The following ARHGEF28 variants were observed in gnomAD, a reference collection of about 807,000 sequenced individuals.
The protein encoded by ARHGEF28 is Rho guanine nucleotide exchange factor 28.
Under a neutral mutation model 206.6 loss-of-function variants are expected in ARHGEF28, and 152 were observed. That is an observed-to-expected ratio of 0.74 (90% confidence interval 0.64 to 0.84). The LOEUF (loss-of-function observed/expected upper bound fraction) is 0.84, where lower values mean the gene tolerates loss of function less well. Among genes scored for constraint, ARHGEF28 ranks in the 40% least tolerant of loss-of-function variants. The pLI is 0.00. For missense variants in ARHGEF28, 2,028 were observed against 2,073.2 expected, an observed-to-expected ratio of 0.98 and a Z score of 0.42; for synonymous variants, 763 against 776.4, an observed-to-expected ratio of 0.98 and a Z score of 0.29.
rs138508297 is a variant in ARHGEF28 at position 73,772,935 on chromosome 5, G to A, written c.476-920G>A. 2.1e-3 allele frequency among the ~76,000 whole-genome samples: 318 copies of A among 152,302 alleles called. 3 individuals carry two copies. Among genetic ancestry groups the A allele is most frequent in the African/African-American group, 6.9e-3 (285 of 41,562 alleles). On this transcript the variant is annotated intron_variant, in intron 4 of 35. Coordinates refer to ENST00000513042, the MANE Select transcript of ARHGEF28 (RefSeq NM_001177693.2). ...GAAGATAATGGAATAGTAAGATAGC[G>A]TTAATATGGACAGGAAACTGTGGAG...
At chr5:73,870,015 A>G in intron 20 of ARHGEF28, 54 bp from the exon 21 acceptor site, 4 of 1,578,530 alleles carry the variant, frequency 2.5e-6, no homozygotes, top group Non-Finnish European at 3.4e-6. Context: ...ATACGAAGGT[A>G]TATTTGTGCT....
intron 7 of ARHGEF28, among the ~76,000 whole-genome samples, chr5:73,792,696 A>T (rs961618222): frequency 7.7e-6 from 1 of 130,112 alleles, no homozygotes. Context: ...ACTTATCCCA[A>T]TTTTTAGTGT....
At chr5:73,807,900 GT>G (rs1414038942) in intron 9 of ARHGEF28, among the ~76,000 whole-genome samples, 1 of 151,744 alleles carries the variant, frequency 6.6e-6, no homozygotes. Context: ...CTGCCCTGAG[GT>G]GTTTTGAGTA....
intron 35 of ARHGEF28, among the ~76,000 whole-genome samples, chr5:73,924,233 C>T (rs1366179018): frequency 6.6e-6 from 1 of 152,148 alleles, no homozygotes; most frequent in Non-Finnish European, 1.5e-5. Flanking sequence ...ACATCAAGTG[C>T]ACTTTATTTA....
At chr5:73,815,575 G>A (rs923404524) in intron 9 of ARHGEF28, among the ~76,000 whole-genome samples, 1 of 152,158 alleles carries the variant, frequency 6.6e-6, no homozygotes, top group Non-Finnish European at 1.5e-5. Context: ...AATTTGGGTT[G>A]TAATCTGCTT....
At chr5:73,792,440 G>T (rs1754534070) in intron 7 of ARHGEF28, among the ~76,000 whole-genome samples, 1 of 152,136 alleles carries the variant, frequency 6.6e-6, no homozygotes, top group Non-Finnish European at 1.5e-5. Flanking sequence ...TAGCAATCTG[G>T]ATAAAATGTG....
chr5:73,868,075 C>T (rs764778603), intron 19 of ARHGEF28, 25 bp from the exon 20 acceptor site: 29 of 1,612,940 alleles, frequency 1.8e-5, no homozygotes, highest in Non-Finnish European at 2.5e-5. Flanking sequence ...CTGGGGCTAA[C>T]TTTGCTCCCC....
intron 1 of ARHGEF28, among the ~76,000 whole-genome samples, chr5:73,671,666 G>A (rs1221639952): frequency 7.4e-6 from 1 of 134,618 alleles, no homozygotes; most frequent in Non-Finnish European, 1.6e-5. Flanking sequence ...AGAATTGTCA[G>A]TATCAGCTGG....
chr5:73,643,440 T>G (rs573660312), intron 1 of ARHGEF28, among the ~76,000 whole-genome samples: 48 of 152,354 alleles, frequency 3.2e-4, no homozygotes, highest in African/African-American at 1.0e-3. Context: ...TCATTATATT[T>G]TTGGAAGACA....
In ARHGEF28 at chr5:73,894,587, T is replaced by G. The variant is rs1761849695; in HGVS notation, c.3841+12T>G. ...AGCACTGAAAGAAGGTAAACTGCTG[T>G]GAGAAGGGTTTGGGTCGACACGTTC... On this transcript the variant is annotated intron_variant, in intron 29 of 35. Coordinates refer to ENST00000513042, the MANE Select transcript of ARHGEF28 (RefSeq NM_001177693.2). 6.2e-7 allele frequency: 1 copy of G among 1,612,374 alleles called. No individual in the cohort carries two copies. The highest frequency in any genetic ancestry group is 1.1e-5 in the South Asian group (1 of 90,820).
rs1580046739 is a variant in ARHGEF28, at chr5:73,883,876, A to G, written c.3047A>G (p.Tyr1016Cys). The G allele has an allele frequency of 2.6e-6, 4 of 1,540,662 alleles. No homozygotes were observed. Among genetic ancestry groups the G allele is most frequent in the African/African-American group, 1.4e-5 (1 of 72,680 alleles). ...YPVLVERILQ[Y>C]TKERTEEHKD... The stretch of plus-strand genomic sequence containing the variant: ...GTCTTGGTGGAAAGGATATTGCAGT[A>G]CACAAAGGGTAAGTTGTGACTTCTG... The change falls in exon 24 of 36, where the codon TAC becomes TGC. Residue 1016 changes from tyrosine to cysteine, a missense_variant. By Grantham distance (194) the Tyr-to-Cys change is radical. Around this residue, in one of 3 missense-constraint regions of ARHGEF28, gnomAD observed 223 missense variants for 289.9 expected, o/e 0.77. Coordinates refer to ENST00000513042, the MANE Select transcript of ARHGEF28 (RefSeq NM_001177693.2).
chr5:73,867,421 A>G (rs549738438), intron 18 of ARHGEF28, among the ~76,000 whole-genome samples: 1 of 152,324 alleles, frequency 6.6e-6, no homozygotes, highest in Admixed American at 6.5e-5. Context: ...TCCTTATACC[A>G]TGAAGAATAG....
intron 12 of ARHGEF28, 57 bp from the exon 13 acceptor site, chr5:73,848,919 A>G (rs749916014): frequency 3.9e-5 from 48 of 1,225,274 alleles, no homozygotes; most frequent in Non-Finnish European, 5.4e-5. Flanking sequence ...GAGGTGGTGA[A>G]TATATATTTT....
At chr5:73,627,998 T>C (rs1386739797) in intron 1 of ARHGEF28, among the ~76,000 whole-genome samples, 2 of 151,670 alleles carry the variant, frequency 1.3e-5, no homozygotes, top group African/African-American at 4.9e-5. Flanking sequence ...CTTTAAGCAG[T>C]TTATAAACAC....
chr5:73,776,211 G>A lies in ARHGEF28; in HGVS notation c.660-305G>A, dbSNP rs184225514. On this transcript the variant is annotated intron_variant, in intron 5 of 35. Transcript: ENST00000513042. ...GAGAGGCATCTTTTCAGATTAAAAG[G>A]AGAATGAAATGTTGAGGTAAAGTAC... Among the ~76,000 whole-genome samples, 253 of 152,276 alleles carry A rather than the reference G, an allele frequency of 1.7e-3. 1 individual carries two copies. The highest frequency in any genetic ancestry group is 6.8e-3 in the Middle Eastern group (2 of 294).
At chr5:73,627,623 T>C (rs1743088282) in intron 1 of ARHGEF28, among the ~76,000 whole-genome samples, 1 of 152,232 alleles carries the variant, frequency 6.6e-6, no homozygotes, top group African/African-American at 2.4e-5. Context: ...TTTGGAGTAT[T>C]TGCAGAAAAG....
intron 24 of ARHGEF28, among the ~76,000 whole-genome samples, chr5:73,885,040 ATTGT>A (rs59951103): frequency 0.079 from 12,028 of 152,122 alleles, 672 homozygotes; most frequent in African/African-American, 0.15. Flanking sequence ...GTCAAAGAAA[ATTGT>A]TTAATTATAA....
intron 2 of ARHGEF28, among the ~76,000 whole-genome samples, chr5:73,689,985 A>G (rs1045270580): frequency 9.2e-5 from 14 of 152,242 alleles, no homozygotes; most frequent in Admixed American, 3.9e-4. Flanking sequence ...AAAATTCTTC[A>G]GTTAACACCA....
intron 2 of ARHGEF28, among the ~76,000 whole-genome samples, chr5:73,729,736 A>G (rs1288110944): frequency 1.3e-5 from 2 of 152,234 alleles, no homozygotes; most frequent in Admixed American, 6.5e-5. Context: ...GGTAGTAAGT[A>G]GCTAATTTTA....
Sources: allele counts gnomAD v4.1 joint callset (sites outside exome capture counted in the v4.1 genomes callset), GRCh38; gene constraint gnomAD v4.1.1; regional missense constraint gnomAD v4.1.1; transcripts MANE v1.5; gene names NCBI Gene and HGNC (gene_info 2026-07-23, HGNC 2026-07-21).